Variants in DHX15 observed in about 807,000 individuals in gnomAD.
The protein encoded by DHX15 is DEAH-box helicase 15.
Under a neutral mutation model 94.4 loss-of-function variants are expected in DHX15, and 11 were observed. The ratio of observed to expected loss-of-function variants is 0.12; its 90% confidence interval spans 0.07 to 0.19. The LOEUF (loss-of-function observed/expected upper bound fraction) is 0.19, where lower values mean the gene tolerates loss of function less well. Ranked by LOEUF, DHX15 falls within the 10% of genes least tolerant of loss-of-function variation. DHX15 has a pLI of 1.00. For synonymous variants in DHX15, 338 were observed against 329.9 expected, an observed-to-expected ratio of 1.02 and a Z score of -0.27; for missense variants, 304 against 988.5, an observed-to-expected ratio of 0.31 and a Z score of 9.29.
intron 3 of DHX15, among the ~76,000 whole-genome samples, chr4:24,564,520 C>T: frequency 6.6e-6 from 1 of 152,192 alleles, no homozygotes; most frequent in Non-Finnish European, 1.5e-5. Flanking sequence ...GAAATACCTC[C>T]TCCTCTGTGA....
chr4:24,534,751 TTCAC>T (rs1180020442), intron 11 of DHX15, among the ~76,000 whole-genome samples: 1 of 152,164 alleles, frequency 6.6e-6, no homozygotes, highest in Non-Finnish European at 1.5e-5. Context: ...ACATTTTAGC[TTCAC>T]TATGTAATCA....
rs146220881 is a variant in DHX15 at position 24,543,056 on chromosome 4, T to C, written c.1249-30A>G. ...TAAGAAATAGAGTATATAAATTATATTACATATCAAATAAAATTAACAGGA... is the reference window on the plus strand; with the variant it reads ...TAAGAAATAGAGTATATAAATTATACTACATATCAAATAAAATTAACAGGA... On this transcript the variant is annotated intron_variant, in intron 6 of 13. Coordinates refer to ENST00000336812, the MANE Select transcript of DHX15 (RefSeq NM_001358.3). 1.1e-5 allele frequency: 16 copies of C among 1,480,108 alleles called. No individual in the cohort carries two copies. The African/African-American group carries it at 2.1e-4, about 19-fold the overall frequency. 91.7% of individuals were successfully genotyped at this position (1,480,108 alleles called of 1,614,324 possible).
At chr4:24,532,561 T>C (rs1402017958) in intron 12 of DHX15, among the ~76,000 whole-genome samples, 1 of 152,216 alleles carries the variant, frequency 6.6e-6, no homozygotes, top group East Asian at 1.9e-4. Context: ...CCTAATCACA[T>C]CTGAAAGTAG....
At chr4:24,543,100 T>A in intron 6 of DHX15, 74 bp from the exon 7 acceptor site, 1 of 981,018 alleles carries the variant, frequency 1.0e-6, no homozygotes, top group African/African-American at 1.7e-5. Context: ...GATCAGCCAC[T>A]AACTTTCACT....
intron 11 of DHX15, among the ~76,000 whole-genome samples, chr4:24,536,120 C>T (rs1052849069): frequency 1.3e-5 from 2 of 152,232 alleles, no homozygotes; most frequent in Admixed American, 1.3e-4. Context: ...CAGCAGCTAG[C>T]AATAACTTCA....
At chr4:24,559,543 C>T (rs1255831235) in intron 3 of DHX15, among the ~76,000 whole-genome samples, 1 of 152,066 alleles carries the variant, frequency 6.6e-6, no homozygotes, top group Non-Finnish European at 1.5e-5. Context: ...ATGTAAGAGT[C>T]AAGTTTTACT....
At chr4:24,547,950 T>TATAC (rs1560766067) in intron 6 of DHX15, among the ~76,000 whole-genome samples, 32 of 12,192 alleles carry the variant, frequency 2.6e-3, no homozygotes, top group African/African-American at 0.014. Context: ...TATCTATATC[T>TATAC]ATATCTATAT....
chr4:24,584,128 T>C (rs548733146), intron 1 of DHX15, 195 bp downstream of exon 1: 1 of 593,798 alleles, frequency 1.7e-6, no homozygotes, highest in Non-Finnish European at 2.9e-6. Flanking sequence ...AGCGGCCCCG[T>C]CGCACGCAAC....
At chr4:24,580,059 C>G (rs1722374107) in intron 1 of DHX15, among the ~76,000 whole-genome samples, 1 of 152,190 alleles carries the variant, frequency 6.6e-6, no homozygotes, top group African/African-American at 2.4e-5. Context: ...CCACCGCGCC[C>G]CACCAATATT....
intron 12 of DHX15, among the ~76,000 whole-genome samples, chr4:24,532,447 C>T (rs1721104875): frequency 6.6e-6 from 1 of 152,188 alleles, no homozygotes; most frequent in Non-Finnish European, 1.5e-5. Flanking sequence ...CGCTCAATTG[C>T]TTCCTTTTAG....
chr4:24,546,414 A>G (rs1721425124), intron 6 of DHX15, among the ~76,000 whole-genome samples: 1 of 152,238 alleles, frequency 6.6e-6, no homozygotes, highest in African/African-American at 2.4e-5. Context: ...TTATAGTTGT[A>G]TTTTAATAAC....
intron 6 of DHX15, 101 bp downstream of exon 6, chr4:24,548,754 G>A: frequency 8.9e-7 from 1 of 1,122,768 alleles, no homozygotes; most frequent in Non-Finnish European, 1.2e-6. Flanking sequence ...ATAAAACCTA[G>A]ATCACAATCA....
At chr4:24,548,228 C>T (rs1356825312) in intron 6 of DHX15, among the ~76,000 whole-genome samples, 3 of 150,870 alleles carry the variant, frequency 2.0e-5, no homozygotes, top group Non-Finnish European at 4.4e-5. Flanking sequence ...CTGCAACCTC[C>T]GCCTCTAGGG....
In DHX15 at chr4:24,545,497, T is replaced by G. The variant is rs114954752; in HGVS notation, c.1249-2471A>C. ...TGGCAAACCCTCGTCATTATTGATA[T>G]TAGTAAGAGCCTATTGCCAGCCAAA... On this transcript the variant is annotated intron_variant, in intron 6 of 13. Transcript: ENST00000336812. Among the ~76,000 whole-genome samples, 1,520 of 152,330 alleles carry G rather than the reference T, an allele frequency of 1.0e-2. 12 individuals carry two copies. The highest frequency in any genetic ancestry group is 0.031 in the South Asian group (150 of 4,834).
intron 1 of DHX15, among the ~76,000 whole-genome samples, chr4:24,577,762 G>C (rs1021360275): frequency 1.3e-5 from 2 of 152,116 alleles, no homozygotes; most frequent in East Asian, 1.9e-4. Flanking sequence ...GCTGAAAGCA[G>C]CCTCTGGGAG....
At chr4:24,552,759 A>C (rs960584287) in intron 5 of DHX15, among the ~76,000 whole-genome samples, 1 of 152,242 alleles carries the variant, frequency 6.6e-6, no homozygotes, top group Non-Finnish European at 1.5e-5. Flanking sequence ...GAATCTAAAG[A>C]TAACTTAAAG....
intron 8 of DHX15, 48 bp from the exon 9 acceptor site, chr4:24,540,996 T>C: frequency 8.2e-7 from 1 of 1,226,700 alleles, no homozygotes. Context: ...AATGCCTCAG[T>C]CTCCTCGTTC....
At chr4:24,555,141 A>G (rs1465366318) in intron 4 of DHX15, among the ~76,000 whole-genome samples, 198 bp from the exon 5 acceptor site, 1 of 152,168 alleles carries the variant, frequency 6.6e-6, no homozygotes, top group East Asian at 1.9e-4. Context: ...AAATTTAGAA[A>G]AAAAATAAAT....
At chr4:24,541,843 A>AT in intron 8 of DHX15, 30 bp downstream of exon 8, 1 of 1,522,296 alleles carries the variant, frequency 6.6e-7, no homozygotes, top group Non-Finnish European at 8.9e-7. Flanking sequence ...CATTTTAAAC[A>AT]TATCGGCAGG....
Sources: allele counts gnomAD v4.1 joint callset (sites outside exome capture counted in the v4.1 genomes callset), GRCh38; gene constraint gnomAD v4.1.1; transcripts MANE v1.5; gene names NCBI Gene and HGNC (gene_info 2026-07-23, HGNC 2026-07-21).